TTC27: variants seen among roughly 807,000 people sequenced by gnomAD.
TTC27 encodes the protein tetratricopeptide repeat domain 27, also known as tetratricopeptide repeat protein 27.
A neutral mutation model predicts 115.9 loss-of-function variants in TTC27; 79 were observed. That is an observed-to-expected ratio of 0.68 (90% CI 0.57 to 0.82). The LOEUF is 0.82. TTC27 is among the 40% of genes least tolerant of loss of function. The pLI is 0.00. For synonymous variants in TTC27, 401 were observed against 356.0 expected, an observed-to-expected ratio of 1.13 and a Z score of -1.42; for missense variants, 1,054 against 993.1, an observed-to-expected ratio of 1.06 and a Z score of -0.82.
Position 32,637,068 on chromosome 2 carries a change from T to C in TTC27, c.396+3063T>C, listed in dbSNP as rs548599211. On this transcript the variant is annotated intron_variant, in intron 3 of 19. Coordinates refer to ENST00000317907, the MANE Select transcript of TTC27 (RefSeq NM_017735.5). The stretch of plus-strand genomic sequence containing the variant: ...TTTTATTGGAACTACTGCCAACACT[T>C]AAAAGAGCATATGAAATGTATACAA... 5.1e-4 allele frequency among the ~76,000 whole-genome samples: 78 copies of C among 152,340 alleles called. 2 individuals carry two copies. In the South Asian group the frequency reaches 0.016, roughly 32 times the overall value.
At chr2:32,647,086 A>G (rs1304029070) in intron 4 of TTC27, among the ~76,000 whole-genome samples, 2 of 151,352 alleles carry the variant, frequency 1.3e-5, no homozygotes, top group Non-Finnish European at 2.9e-5. Flanking sequence ...CTAGGTTTAC[A>G]GATACGCACC....
intron 16 of TTC27, among the ~76,000 whole-genome samples, chr2:32,796,554 G>C (rs1670709475): frequency 6.6e-6 from 1 of 152,152 alleles, no homozygotes. Context: ...AGATGAAACA[G>C]ACAAATTCCT....
At chr2:32,739,551 T>C (rs555217443) in intron 12 of TTC27, among the ~76,000 whole-genome samples, 4 of 152,274 alleles carry the variant, frequency 2.6e-5, no homozygotes, top group Admixed American at 6.5e-5. Flanking sequence ...TTCTAAATCC[T>C]CTAGAAAATG....
intron 8 of TTC27, among the ~76,000 whole-genome samples, chr2:32,676,084 G>A (rs1666190998): frequency 6.6e-6 from 1 of 152,068 alleles, no homozygotes; most frequent in African/African-American, 2.4e-5. Context: ...GAGCCACTGT[G>A]CCTAGCCTGA....
chr2:32,807,638 C>T (rs890145135), intron 16 of TTC27, among the ~76,000 whole-genome samples: 12 of 152,062 alleles, frequency 7.9e-5, no homozygotes, highest in Non-Finnish European at 1.8e-4. Flanking sequence ...TGGGGGGTTT[C>T]TCTTCATTTT....
rs545660887 is a variant in TTC27, at chr2:32,683,106, C to T, written c.1119+4184C>T. ...TCCTGACCTCGTGATCTACCTGCCTCGGCCTCCCAAAGTGCTGGGATTACA... is the reference window on the plus strand; with the variant it reads ...TCCTGACCTCGTGATCTACCTGCCTTGGCCTCCCAAAGTGCTGGGATTACA... On this transcript the variant is annotated intron_variant, in intron 9 of 19. Coordinates refer to ENST00000317907, the MANE Select transcript of TTC27 (RefSeq NM_017735.5). 8.1e-4 allele frequency among the ~76,000 whole-genome samples: 123 copies of T among 152,006 alleles called. No homozygotes were observed. The South Asian group carries it at 0.012, about 15-fold the overall frequency.
Position 32,682,844 on chromosome 2 carries a change from G to GTTTTTTTTTTTTTTTTTTTTTTTTTTTTT in TTC27, c.1119+3924_1119+3925insTTTTTTTTTTTTTTTTTTTTTTTTTTTTT, listed in dbSNP as rs142030247. ...CCACCACACCCGGATAATTTTTATT[G>GTTTTTTTTTTTTTTTTTTTTTTTTTTTTT]TTGTTTTTTTTTTTTTTTTTTTTTT... On this transcript the variant is annotated intron_variant, in intron 9 of 19. Coordinates refer to ENST00000317907, the MANE Select transcript of TTC27 (RefSeq NM_017735.5). 3.5e-5 allele frequency among the ~76,000 whole-genome samples: 2 copies of GTTTTTTTTTTTTTTTTTTTTTTTTTTTTT among 56,986 alleles called. 1 individual carries two copies. Among genetic ancestry groups the GTTTTTTTTTTTTTTTTTTTTTTTTTTTTT allele is most frequent in the African/African-American group, 1.5e-4 (2 of 13,302 alleles). The allele number at this position is 56,986 out of a possible 152,430, so 37.4% of individuals were successfully genotyped here.
At chr2:32,798,134 C>CG (rs901133318) in intron 16 of TTC27, among the ~76,000 whole-genome samples, 2 of 151,322 alleles carry the variant, frequency 1.3e-5, no homozygotes, top group African/African-American at 4.9e-5. Context: ...AGGCCAGGCG[C>CG]GGTGGCTCAC....
chr2:32,763,279 A>G (rs897305274), intron 13 of TTC27, among the ~76,000 whole-genome samples: 1 of 152,348 alleles, frequency 6.6e-6, no homozygotes, highest in South Asian at 2.1e-4. Flanking sequence ...TTAACTGTGA[A>G]CCAAGTTTGA....
intron 5 of TTC27, among the ~76,000 whole-genome samples, chr2:32,660,585 G>T (rs1665509422): frequency 6.6e-6 from 1 of 151,972 alleles, no homozygotes; most frequent in African/African-American, 2.4e-5. Context: ...CATCATGGGG[G>T]GTGGGGGACT....
chr2:32,656,752 A>G (rs17012046), intron 5 of TTC27, among the ~76,000 whole-genome samples: 12,563 of 152,156 alleles, frequency 0.083, 564 homozygotes, highest in East Asian at 0.13. Flanking sequence ...AATTCTACCC[A>G]TCTTTTAAGG....
chr2:32,751,538 A>G (rs3769577), intron 12 of TTC27, among the ~76,000 whole-genome samples: 31,206 of 152,012 alleles, frequency 0.21, 3,483 homozygotes, highest in South Asian at 0.37. Context: ...AATCACCACT[A>G]GATAGATTCA....
intron 12 of TTC27, among the ~76,000 whole-genome samples, chr2:32,753,232 C>G (rs534191435): frequency 6.6e-6 from 1 of 152,030 alleles, no homozygotes; most frequent in Non-Finnish European, 1.5e-5. Flanking sequence ...GGACTCCAAG[C>G]GAGGATTGCA....
chr2:32,805,291 G>C (rs988972541), intron 16 of TTC27, among the ~76,000 whole-genome samples: 1 of 152,138 alleles, frequency 6.6e-6, no homozygotes, highest in African/African-American at 2.4e-5. Flanking sequence ...ACATAGGAAG[G>C]GCTATATATG....
At chr2:32,770,965 T>C (rs1245484871) in intron 13 of TTC27, among the ~76,000 whole-genome samples, 2 of 152,228 alleles carry the variant, frequency 1.3e-5, no homozygotes, top group African/African-American at 4.8e-5. Flanking sequence ...TTTTCCCTTC[T>C]AATATTGGTA....
At chr2:32,739,674 T>G (rs1277698200) in intron 12 of TTC27, among the ~76,000 whole-genome samples, 1 of 152,204 alleles carries the variant, frequency 6.6e-6, no homozygotes, top group African/African-American at 2.4e-5. Context: ...TTTAGTATTT[T>G]ATTTAACCCA....
chr2:32,644,554 A>G (rs1434163331), intron 4 of TTC27, among the ~76,000 whole-genome samples: 1 of 151,976 alleles, frequency 6.6e-6, no homozygotes, highest in East Asian at 1.9e-4. Context: ...GTATATTACT[A>G]TGTATACCTC....
At chr2:32,819,572 G>A (rs938156087) in intron 19 of TTC27, among the ~76,000 whole-genome samples, 4 of 152,138 alleles carry the variant, frequency 2.6e-5, no homozygotes, top group African/African-American at 4.8e-5. Flanking sequence ...TGTTAAATAG[G>A]CTTAATTGAA....
intron 9 of TTC27, among the ~76,000 whole-genome samples, chr2:32,686,215 T>A (rs1038215926): frequency 1.3e-5 from 2 of 152,202 alleles, no homozygotes; most frequent in African/African-American, 4.8e-5. Context: ...TATCTGTGGA[T>A]CGGAAGGCTC....
Sources: allele counts gnomAD v4.1 joint callset (sites outside exome capture counted in the v4.1 genomes callset), GRCh38; gene constraint gnomAD v4.1.1; transcripts MANE v1.5; gene names NCBI Gene and HGNC (gene_info 2026-07-23, HGNC 2026-07-21).